SFSWAP: variants seen among roughly 807,000 people sequenced by gnomAD.
SFSWAP encodes the protein splicing factor SWAP.
SFSWAP carries 17 observed loss-of-function variants against 100.7 expected under a neutral mutation model. That is an observed-to-expected ratio of 0.17 (90% CI 0.12 to 0.25). SFSWAP has a LOEUF of 0.25. Among genes scored for constraint, SFSWAP ranks in the 10% least tolerant of loss-of-function variants. The pLI, the probability that SFSWAP is intolerant of heterozygous loss-of-function variation, is 1.00. For missense variants in SFSWAP, 1,005 were observed against 1,262.6 expected, an observed-to-expected ratio of 0.80 and a Z score of 3.09; for synonymous variants, 504 against 510.1, an observed-to-expected ratio of 0.99 and a Z score of 0.16.
intron 13 of SFSWAP, among the ~76,000 whole-genome samples, chr12:131,772,359 T>TGC (rs1883685914): frequency 6.6e-6 from 1 of 152,222 alleles, no homozygotes; most frequent in African/African-American, 2.4e-5. Context: ...TCCTAAAGTG[T>TGC]GCCTATTGGC....
At chr12:131,728,537 A>T in intron 7 of SFSWAP, 109 bp downstream of exon 7, 1 of 1,261,946 alleles carries the variant, frequency 7.9e-7, no homozygotes, top group Non-Finnish European at 1.1e-6. Flanking sequence ...ACAAGTATGG[A>T]AGCAGGCGGC....
In SFSWAP at chr12:131,714,487, C is replaced by T. The variant is rs1473822057; in HGVS notation, c.388+247C>T. On this transcript the variant is annotated intron_variant, in intron 2 of 17. Coordinates refer to ENST00000261674, the MANE Select transcript of SFSWAP (RefSeq NM_004592.4). This position sits in a 1 kb window ranked among gnomAD's most constrained non-coding sequence, Gnocchi z 6.0. ...ATTTGAAAAAAACAAAAACCAAACT[C>T]TTTAACTGTTCTTCTTTAACAGTAT... 6.0e-6 allele frequency: 3 copies of T among 498,732 alleles called. No homozygotes were observed. Among genetic ancestry groups the T allele is most frequent in the Non-Finnish European group, 1.1e-5 (3 of 281,990 alleles). 30.9% of individuals were successfully genotyped at this position (498,732 alleles called of 1,614,324 possible).
chr12:131,778,454 G>GCAGGGCACA lies in SFSWAP; in HGVS notation c.2408+126_2408+127insGGGCACACA. Reference sequence around the variant, plus strand: ...GCTTTCATTAAGCAGACGCGTGTATGCATGTGCATGTGTGCCCTGCAAGTC... The same window carrying GCAGGGCACA: ...GCTTTCATTAAGCAGACGCGTGTATGCAGGGCACACATGTGCATGTGTGCCCTGCAAGTC... On this transcript the variant is annotated intron_variant, in intron 14 of 17. Coordinates refer to ENST00000261674, the MANE Select transcript of SFSWAP (RefSeq NM_004592.4). This position sits in a 1 kb window ranked among gnomAD's most constrained non-coding sequence, Gnocchi z 4.2. The GCAGGGCACA allele has an allele frequency of 7.2e-7, 1 of 1,381,492 alleles. No individual in the cohort carries two copies. The highest frequency in any genetic ancestry group is 1.5e-5 in the South Asian group (1 of 67,446). The allele number at this position is 1,381,492 out of a possible 1,614,324, so 85.6% of individuals were successfully genotyped here.
In SFSWAP at chr12:131,756,866, C is replaced by A. The variant is rs904103065; in HGVS notation, c.1720+222C>A. 5 of 540,944 alleles carry A rather than the reference C, an allele frequency of 9.2e-6. No individual in the cohort carries two copies. The Admixed American group carries it at 1.0e-4, about 11-fold the overall frequency. 33.5% of individuals were successfully genotyped at this position (540,944 alleles called of 1,614,324 possible). On this transcript the variant is annotated intron_variant, in intron 11 of 17. Transcript: ENST00000261674. ...GTGTGAGCAGCCCTTAGGTATGTGT[C>A]TGTTTAACAGTCTGTTCAGTGTACT...
intron 13 of SFSWAP, among the ~76,000 whole-genome samples, chr12:131,770,662 C>T (rs1883513095): frequency 6.6e-6 from 1 of 151,962 alleles, no homozygotes; most frequent in South Asian, 2.1e-4. Flanking sequence ...TTTAAAATTC[C>T]TCCAATTCTC....
In SFSWAP at chr12:131,771,650, C is replaced by CTTTT. The variant is rs398021691; in HGVS notation, c.2142+5361_2142+5364dup. ...ACACTGAGTCATTTTGCTAATGTCT[C>CTTTT]TTTTTTTTTTTTTTTTTTTTTTGAG... is the stretch of plus-strand genomic sequence containing the variant. On this transcript the variant is annotated intron_variant, in intron 13 of 17. Transcript: ENST00000261674. Among the ~76,000 whole-genome samples the CTTTT allele has an allele frequency of 2.8e-4, 24 of 86,108 alleles. 1 individual carries two copies. The highest frequency in any genetic ancestry group is 9.4e-4 in the African/African-American group (23 of 24,370). 56.5% of individuals were successfully genotyped at this position (86,108 alleles called of 152,430 possible). A position where few individuals can be genotyped will look rare whatever the true frequency, so the allele number is the denominator to read the frequency against.
At chr12:131,786,351 C>T in intron 14 of SFSWAP, 112 bp from the exon 15 acceptor site, 1 of 1,362,092 alleles carries the variant, frequency 7.3e-7, no homozygotes, top group Non-Finnish European at 9.8e-7. Flanking sequence ...CAGGCACCAC[C>T]CTGAGGAGCA....
intron 7 of SFSWAP, among the ~76,000 whole-genome samples, chr12:131,736,069 C>T (rs1006535856): frequency 6.6e-6 from 1 of 152,200 alleles, no homozygotes; most frequent in Non-Finnish European, 1.5e-5. Flanking sequence ...AGCCACCAGT[C>T]CAGCCAGGGA....
chr12:131,766,387 C>T (rs1883122074), intron 13 of SFSWAP, 79 bp downstream of exon 13: 1 of 1,353,642 alleles, frequency 7.4e-7, no homozygotes, highest in Non-Finnish European at 1.0e-6. Flanking sequence ...CCTCCAGCTG[C>T]CCTAGTCTCT....
At position 131,714,162 on chromosome 12, in the gene SFSWAP, G is replaced by A. The variant is rs1212692747; in HGVS notation, c.310G>A (p.Ala104Thr). 1 of 1,614,064 alleles carries A rather than the reference G, an allele frequency of 6.2e-7. No individual in the cohort carries two copies. Among genetic ancestry groups the A allele is most frequent in the Non-Finnish European group, 8.5e-7 (1 of 1,179,972 alleles). The change falls in exon 2 of 18, where the codon GCG becomes ACG. Residue 104 changes from alanine to threonine, a missense_variant. By Grantham distance (58) the Ala-to-Thr change is moderately conservative. Coordinates refer to ENST00000261674, the MANE Select transcript of SFSWAP (RefSeq NM_004592.4). The surrounding 1 kb of genome is among the most constrained non-coding windows in gnomAD (Gnocchi z 6.0). ...NRDYQLSEEEARIEALCDEER... is the reference protein window; with the variant it reads ...NRDYQLSEEETRIEALCDEER... ...AGATTATCAGCTGTCTGAAGAGGAG[G>A]CGCGAATAGAGGCCCTGTGTGATGA...
chr12:131,783,624 A>G (rs866407090), intron 14 of SFSWAP: 1 of 151,688 alleles, frequency 6.6e-6, no homozygotes, highest in Non-Finnish European at 1.5e-5. Context: ...TCTACTAAAA[A>G]TACAAAAAAT....
chr12:131,746,330 G>A (rs1015420365), intron 7 of SFSWAP, among the ~76,000 whole-genome samples: 5 of 152,208 alleles, frequency 3.3e-5, no homozygotes, highest in African/African-American at 1.2e-4. Flanking sequence ...TTGTTGCAGT[G>A]TAGACTCATG....
At chr12:131,775,689 T>C (rs1566048180) in intron 13 of SFSWAP, among the ~76,000 whole-genome samples, 1 of 152,208 alleles carries the variant, frequency 6.6e-6, no homozygotes, top group Non-Finnish European at 1.5e-5. Flanking sequence ...TAAAGGATCA[T>C]TTAGCATTGC....
At chr12:131,747,038 A>G (rs1258939809) in intron 7 of SFSWAP, among the ~76,000 whole-genome samples, 1 of 146,726 alleles carries the variant, frequency 6.8e-6, no homozygotes, top group Non-Finnish European at 1.5e-5. Flanking sequence ...CGGGAGGCAG[A>G]GCTTGCAGTG....
In SFSWAP at chr12:131,730,804, C is replaced by G. The variant is rs1419230485; in HGVS notation, c.1081+2376C>G. Among the ~76,000 whole-genome samples the G allele has an allele frequency of 6.6e-6, 1 of 152,176 alleles. No homozygotes were observed. Among genetic ancestry groups the G allele is most frequent in the Non-Finnish European group, 1.5e-5 (1 of 68,014 alleles). On this transcript the variant is annotated intron_variant, in intron 7 of 17. Transcript: ENST00000261674. The surrounding 1 kb of genome is among the most constrained non-coding windows in gnomAD (Gnocchi z 4.0). ...CCCTATCCTCCCAACTGCAAGGGCTCTAGTAGGGGGTGCCCTCTCCTCCCC... is the reference window on the plus strand; with the variant it reads ...CCCTATCCTCCCAACTGCAAGGGCTGTAGTAGGGGGTGCCCTCTCCTCCCC...
chr12:131,753,014 A>C, intron 7 of SFSWAP, 109 bp from the exon 8 acceptor site: 1 of 1,469,136 alleles, frequency 6.8e-7, no homozygotes, highest in Non-Finnish European at 9.3e-7. Flanking sequence ...GGAAGTGAGC[A>C]GAGGCAAGGC....
Position 131,714,894 on chromosome 12 carries a change from G to A in SFSWAP, c.461G>A (p.Gly154Asp). 5 of 1,614,180 alleles carry A rather than the reference G, an allele frequency of 3.1e-6. No homozygotes were observed. The highest frequency in any genetic ancestry group is 2.2e-5 in the East Asian group (1 of 44,870). The change falls in exon 3 of 18, where the codon GGT (glycine) becomes GAT (aspartate). Residue 154 changes from glycine to aspartate, a missense_variant. Transcript: ENST00000261674. The surrounding 1 kb of genome is among the most constrained non-coding windows in gnomAD (Gnocchi z 6.0). ...TACAATGCCGTGGGGTTCACTTACG[G>A]TAGCGACTATTACGACCCGTCAGAG... Reference protein sequence around the residue: ...GSYNAVGFTYGSDYYDPSEPT... With the variant: ...GSYNAVGFTYDSDYYDPSEPT...
At chr12:131,774,174 G>C (rs1298822154) in intron 13 of SFSWAP, among the ~76,000 whole-genome samples, 1 of 152,204 alleles carries the variant, frequency 6.6e-6, no homozygotes, top group African/African-American at 2.4e-5. Flanking sequence ...GGATGCACCT[G>C]GGCAGGACGT....
chr12:131,781,839 T>A (rs1018301051), intron 14 of SFSWAP, among the ~76,000 whole-genome samples: 18 of 152,210 alleles, frequency 1.2e-4, no homozygotes, highest in African/African-American at 4.1e-4. Flanking sequence ...ATTTTGCAAC[T>A]GAGACAAAAT....
Sources: gnomAD v4.1 joint callset for allele counts (sites outside exome capture counted in the v4.1 genomes callset) on GRCh38, gnomAD v4.1.1 for gene constraint, Gnocchi (gnomAD v3.1) non-coding constraint, MANE v1.5 for transcripts, NCBI Gene and HGNC (gene_info 2026-07-23, HGNC 2026-07-21) for gene names.